RBFOX3: variants seen among roughly 807,000 people sequenced by gnomAD.
RBFOX3 encodes RNA binding protein fox-1 homolog 3.
RBFOX3 carries 17 observed loss-of-function variants against 48.7 expected under a neutral mutation model. The ratio of observed to expected loss-of-function variants is 0.35; its 90% CI spans 0.24 to 0.52. The LOEUF (loss-of-function observed/expected upper bound fraction) is 0.52, where lower values mean the gene tolerates loss of function less well. Ranked by LOEUF, RBFOX3 falls within the 20% of genes least tolerant of loss-of-function variation. The probability of loss-of-function intolerance (pLI) is 0.94; values close to 1 mark genes in which losing one functional copy is unlikely to be tolerated. For missense variants in RBFOX3, 382 were observed against 497.5 expected (o/e 0.77, Z 2.21); for synonymous variants, 212 against 209.5 (o/e 1.01, Z -0.10).
chr17:79,115,558 G>T lies in RBFOX3; in HGVS notation c.158C>A (p.Thr53Asn). Residue 53 changes from threonine to asparagine, a missense_variant, in exon 5 of 15, where the codon ACC (threonine) becomes AAC (asparagine). Coordinates refer to ENST00000693108, the MANE Select transcript of RBFOX3 (RefSeq NM_001350451.2). ...HGMTLYTPAQ[T>N]HPEQPGSEAS... ...CTCGGAGCCTGGCTGCTCGGGGTGG[G>T]TCTGTGCTGGTGTGTACAGGGTCAT... 4 of 1,341,880 alleles carry T rather than the reference G, an allele frequency of 3.0e-6. No individual in the cohort carries two copies. The highest frequency in any genetic ancestry group is 3.8e-6 in the Non-Finnish European group (4 of 1,043,868). The allele number at this position is 1,341,880 out of a possible 1,614,324, so 83.1% of individuals were successfully genotyped here.
chr17:79,367,990 G>A (rs2058027704), intron 2 of RBFOX3, among the ~76,000 whole-genome samples: 1 of 152,208 alleles, frequency 6.6e-6, no homozygotes, highest in Admixed American at 6.5e-5. Context: ...ACAACCGAGG[G>A]TCAGGGACAC....
intron 4 of RBFOX3, among the ~76,000 whole-genome samples, chr17:79,173,573 T>G (rs2049854949): frequency 1.3e-5 from 2 of 152,172 alleles, no homozygotes; most frequent in Non-Finnish European, 2.9e-5. Context: ...TTAGCTGATC[T>G]TCCCGGTCAA....
At chr17:79,529,434 G>A (rs1217569575) in intron 1 of RBFOX3, among the ~76,000 whole-genome samples, 1 of 152,216 alleles carries the variant, frequency 6.6e-6, no homozygotes, top group African/African-American at 2.4e-5. Flanking sequence ...CCAGTTGCAT[G>A]GCTCACAGCA....
chr17:79,167,875 A>T (rs1385635574), intron 4 of RBFOX3, among the ~76,000 whole-genome samples: 1 of 152,200 alleles, frequency 6.6e-6, no homozygotes, highest in Non-Finnish European at 1.5e-5. Flanking sequence ...GGGACCCTCC[A>T]GGGGAAGCAC....
At chr17:79,321,267 C>T (rs2078482698) in intron 2 of RBFOX3, among the ~76,000 whole-genome samples, 1 of 152,226 alleles carries the variant, frequency 6.6e-6, no homozygotes, top group Admixed American at 6.5e-5. Flanking sequence ...GTCTCTACCT[C>T]ATGTCTTCCC....
rs537588925 is a variant in RBFOX3 at position 79,185,701 on chromosome 17, A to G, written c.-34+50065T>C. 2.6e-5 allele frequency among the ~76,000 whole-genome samples: 4 copies of G among 152,308 alleles called. No individual in the cohort carries two copies. The South Asian group carries it at 8.3e-4, about 32-fold the overall frequency. On this transcript the variant is annotated intron_variant, in intron 4 of 14. Transcript: ENST00000693108. ...TCATTAATTTGCCATTATGACCATT[A>G]TGACCAAGTATCTCCTGTGGAATCC...
chr17:79,382,969 T>A lies in RBFOX3; in HGVS notation c.-174-75145A>T, dbSNP rs151284889. Among the ~76,000 whole-genome samples, 432 of 151,588 alleles carry A rather than the reference T, an allele frequency of 2.8e-3. 1 individual carries two copies. Among genetic ancestry groups the A allele is most frequent in the African/African-American group, 0.01 (423 of 41,132 alleles). On this transcript the variant is annotated intron_variant, in intron 2 of 14. Coordinates refer to ENST00000693108, the MANE Select transcript of RBFOX3 (RefSeq NM_001350451.2). Reference sequence around the variant, plus strand: ...TTTCTTAACGATGGGCTTTAGCTATTAGGACCACATTTTCTGGGGCTGTGT... The same window carrying A: ...TTTCTTAACGATGGGCTTTAGCTATAAGGACCACATTTTCTGGGGCTGTGT...
chr17:79,518,631 G>A (rs1161355885), intron 1 of RBFOX3, among the ~76,000 whole-genome samples: 1 of 152,242 alleles, frequency 6.6e-6, no homozygotes, highest in Non-Finnish European at 1.5e-5. Context: ...GGGCAGGCCT[G>A]GCGGAACAGC....
chr17:79,548,776 T>G (rs2090829212), intron 1 of RBFOX3, among the ~76,000 whole-genome samples: 1 of 152,206 alleles, frequency 6.6e-6, no homozygotes, highest in South Asian at 2.1e-4. Context: ...GTAGCCCCAG[T>G]GCCTGCTTCA....
intron 3 of RBFOX3, among the ~76,000 whole-genome samples, chr17:79,291,863 A>C (rs958366838): frequency 5.9e-5 from 9 of 152,176 alleles, no homozygotes; most frequent in Non-Finnish European, 1.2e-4. Context: ...GCTATGAGAA[A>C]CTAGGGCGCC....
intron 2 of RBFOX3, among the ~76,000 whole-genome samples, chr17:79,399,233 A>G (rs541951139): frequency 2.0e-5 from 3 of 152,138 alleles, no homozygotes; most frequent in Non-Finnish European, 2.9e-5. Flanking sequence ...CCAGCCACCC[A>G]GTCCGTGGCA....
At chr17:79,211,310 C>G (rs2058350060) in intron 4 of RBFOX3, among the ~76,000 whole-genome samples, 1 of 152,190 alleles carries the variant, frequency 6.6e-6, no homozygotes. Flanking sequence ...TGCCTCTGAC[C>G]CTGCCAACGC....
intron 2 of RBFOX3, among the ~76,000 whole-genome samples, chr17:79,476,342 A>G (rs1483659651): frequency 6.6e-6 from 1 of 152,258 alleles, no homozygotes; most frequent in African/African-American, 2.4e-5. Flanking sequence ...CTCTAAAGTC[A>G]CCAAGGAAAA....
intron 1 of RBFOX3, among the ~76,000 whole-genome samples, chr17:79,578,585 A>G (rs891908139): frequency 0.017 from 2,542 of 152,364 alleles, 75 homozygotes; most frequent in African/African-American, 0.055. Context: ...CGGGCCAGGG[A>G]CCTGCACATT....
intron 3 of RBFOX3, among the ~76,000 whole-genome samples, chr17:79,307,185 G>A (rs1315556974): frequency 6.6e-6 from 1 of 152,248 alleles, no homozygotes; most frequent in East Asian, 1.9e-4. Flanking sequence ...CATGAGCAGC[G>A]TGTCCGCCCT....
rs986974756 is a variant in RBFOX3, at chr17:79,356,793, T to C, written c.-174-48969A>G. ...GAGAGAGACCAAAGGTAAGAATTTG[T>C]TGGGAAGAATCATGAAAAGTCAGTT... On this transcript the variant is annotated intron_variant, in intron 2 of 14. Coordinates refer to ENST00000693108, the MANE Select transcript of RBFOX3 (RefSeq NM_001350451.2). Among the ~76,000 whole-genome samples the C allele has an allele frequency of 4.6e-5, 7 of 152,152 alleles. No homozygotes were observed. The South Asian group carries it at 6.2e-4, about 14-fold the overall frequency.
chr17:79,461,654 C>G (rs1484820755), intron 2 of RBFOX3, among the ~76,000 whole-genome samples: 1 of 152,234 alleles, frequency 6.6e-6, no homozygotes, highest in African/African-American at 2.4e-5. Context: ...CAGATATACC[C>G]AGAACCTCAG....
At chr17:79,166,632 C>A (rs577537126) in intron 4 of RBFOX3, among the ~76,000 whole-genome samples, 3 of 151,996 alleles carry the variant, frequency 2.0e-5, no homozygotes, top group African/African-American at 7.2e-5. Context: ...TGAACATGCA[C>A]AGGTCGGAAT....
rs2078746436 is a variant in RBFOX3, at chr17:79,481,299, G to A, written c.-175+1155C>T. Among the ~76,000 whole-genome samples, 1 of 152,114 alleles carries A rather than the reference G, an allele frequency of 6.6e-6. No homozygotes were observed. Among genetic ancestry groups the A allele is most frequent in the East Asian group, 1.9e-4 (1 of 5,188 alleles). ...TCAGGGCTCCAGTCCTCCCTGCCTG[G>A]GGGTCGCTGACCCACAGCTTTGCAT... is the stretch of plus-strand genomic sequence containing the variant. On this transcript the variant is annotated intron_variant, in intron 2 of 14. Coordinates refer to ENST00000693108, the MANE Select transcript of RBFOX3 (RefSeq NM_001350451.2). The surrounding 1 kb of genome is among the most constrained non-coding windows in gnomAD (Gnocchi z 5.4).
Sources: allele counts gnomAD v4.1 joint callset (sites outside exome capture counted in the v4.1 genomes callset), GRCh38; gene constraint gnomAD v4.1.1; non-coding constraint Gnocchi (gnomAD v3.1); transcripts MANE v1.5; gene names NCBI Gene and HGNC (gene_info 2026-07-23, HGNC 2026-07-21).